The following GSG1L variants were observed in gnomAD, a reference collection of about 807,000 sequenced individuals.
GSG1L encodes germ cell-specific gene 1-like protein.
Under a neutral mutation model 42.1 loss-of-function variants are expected in GSG1L, and 24 were observed. That is an observed-to-expected ratio of 0.57 (90% confidence interval 0.41 to 0.80). GSG1L has a LOEUF of 0.80. GSG1L is among the 30% of genes least tolerant of loss of function. GSG1L has a pLI of 0.00. For synonymous variants in GSG1L, 215 were observed against 203.5 expected, an observed-to-expected ratio of 1.06 and a Z score of -0.48; for missense variants, 445 against 472.2, an observed-to-expected ratio of 0.94 and a Z score of 0.53.
chr16:28,031,936 C>T (rs1022715280), intron 1 of GSG1L, among the ~76,000 whole-genome samples: 3 of 152,146 alleles, frequency 2.0e-5, no homozygotes, highest in African/African-American at 7.2e-5. Flanking sequence ...AAAACACATG[C>T]CCTGGGGCTC....
chr16:27,878,560 T>A (rs2083915816), intron 3 of GSG1L, among the ~76,000 whole-genome samples: 1 of 152,092 alleles, frequency 6.6e-6, no homozygotes, highest in Non-Finnish European at 1.5e-5. Flanking sequence ...GTAAACCATA[T>A]CAAGCTGGGA....
At chr16:27,903,788 C>A (rs548924864) in intron 2 of GSG1L, among the ~76,000 whole-genome samples, 1 of 151,904 alleles carries the variant, frequency 6.6e-6, no homozygotes, top group East Asian at 1.9e-4. Flanking sequence ...CCCAGGAAGT[C>A]CCCCAGTCAA....
intron 1 of GSG1L, among the ~76,000 whole-genome samples, chr16:28,037,775 C>T (rs1050293220): frequency 1.3e-5 from 2 of 152,200 alleles, no homozygotes; most frequent in Admixed American, 1.3e-4. Context: ...TTGCTGGACT[C>T]ACCCATTAGA....
At chr16:27,949,414 C>T (rs1228959509) in intron 2 of GSG1L, among the ~76,000 whole-genome samples, 1 of 152,180 alleles carries the variant, frequency 6.6e-6, no homozygotes, top group East Asian at 1.9e-4. Flanking sequence ...GGGAAGGCAG[C>T]GTGAAATGAA....
chr16:27,799,762 C>A, intron 6 of GSG1L, among the ~76,000 whole-genome samples: 1 of 152,054 alleles, frequency 6.6e-6, no homozygotes. Flanking sequence ...AAGACATGAT[C>A]AAGTTTATGT....
chr16:27,907,549 C>T (rs1048534420), intron 2 of GSG1L, among the ~76,000 whole-genome samples: 1 of 152,252 alleles, frequency 6.6e-6, no homozygotes, highest in African/African-American at 2.4e-5. Flanking sequence ...TGCTCCTCAT[C>T]TGCCCTGTGC....
intron 3 of GSG1L, among the ~76,000 whole-genome samples, chr16:27,872,353 G>A (rs536718869): frequency 1.3e-5 from 2 of 152,290 alleles, no homozygotes; most frequent in South Asian, 4.1e-4. Context: ...AGACTACATG[G>A]ACCAGTCTAA....
At chr16:27,807,377 T>C (rs1482150673) in intron 6 of GSG1L, 110 bp downstream of exon 6, 16 of 801,542 alleles carry the variant, frequency 2.0e-5, no homozygotes, top group Non-Finnish European at 3.0e-5. Context: ...TGTGGGAGAA[T>C]GCAGGGTGCA....
chr16:28,057,087 G>C (rs1445234332), intron 1 of GSG1L, among the ~76,000 whole-genome samples: 1 of 152,196 alleles, frequency 6.6e-6, no homozygotes, highest in African/African-American at 2.4e-5. Context: ...TGTGGGGGCA[G>C]AGAGGAGTGG....
At chr16:27,844,042 G>T (rs1228236085) in intron 4 of GSG1L, among the ~76,000 whole-genome samples, 2 of 152,182 alleles carry the variant, frequency 1.3e-5, no homozygotes, top group East Asian at 1.9e-4. Context: ...CAGAGGAAGA[G>T]AACTCAGCCC....
chr16:27,929,066 T>C (rs2084628905), intron 2 of GSG1L, among the ~76,000 whole-genome samples: 1 of 152,224 alleles, frequency 6.6e-6, no homozygotes, highest in Non-Finnish European at 1.5e-5. Flanking sequence ...CTATTGCATC[T>C]GAATGTGCAA....
At position 28,063,290 on chromosome 16, in the gene GSG1L, G is replaced by C; in HGVS notation, c.135C>G (p.Gly45=). The C allele has an allele frequency of 4.4e-6, 6 of 1,375,576 alleles. No homozygotes were observed. Among genetic ancestry groups the C allele is most frequent in the Non-Finnish European group, 5.7e-6 (6 of 1,055,278 alleles). 85.2% of individuals were successfully genotyped at this position (1,375,576 alleles called of 1,614,324 possible). The change falls in exon 1 of 7, where the codon GGC becomes GGG. Residue 45 remains glycine (G), a synonymous_variant. Transcript: ENST00000447459. This position sits in a 1 kb window ranked among gnomAD's most constrained non-coding sequence, Gnocchi z 5.8. ...GTQRVPKPGC[G]QGGRANCPNS... ...TGGGGCAGTTGGCGCGCCCGCCCTG[G>C]CCGCAGCCCGGCTTGGGGACCCGCT...
chr16:28,034,937 T>C (rs1162921674), intron 1 of GSG1L, among the ~76,000 whole-genome samples: 2 of 152,336 alleles, frequency 1.3e-5, no homozygotes, highest in Non-Finnish European at 2.9e-5. Context: ...TGTCCATCTG[T>C]ACAATGGAGA....
chr16:27,921,823 C>A (rs1040270083), intron 2 of GSG1L, among the ~76,000 whole-genome samples: 1 of 152,162 alleles, frequency 6.6e-6, no homozygotes, highest in South Asian at 2.1e-4. Context: ...CTGCCTTGAT[C>A]GTACCTGTGA....
chr16:27,892,609 C>G (rs1442257588), intron 2 of GSG1L, among the ~76,000 whole-genome samples: 6 of 151,818 alleles, frequency 4.0e-5, no homozygotes, highest in Non-Finnish European at 7.4e-5. Context: ...ACTAAAAATA[C>G]AGAAACCCCG....
At chr16:27,893,754 T>C (rs11860269) in intron 2 of GSG1L, among the ~76,000 whole-genome samples, 1 of 151,760 alleles carries the variant, frequency 6.6e-6, no homozygotes, top group Non-Finnish European at 1.5e-5. Flanking sequence ...TAATTTTTTA[T>C]TTTCATTTTT....
chr16:27,880,110 C>T (rs1243544901), intron 3 of GSG1L, among the ~76,000 whole-genome samples: 1 of 152,192 alleles, frequency 6.6e-6, no homozygotes, highest in African/African-American at 2.4e-5. Context: ...CAGAAAGCAG[C>T]ACTTTCCCTC....
At chr16:27,829,084 C>T in intron 4 of GSG1L, 128 bp from the exon 5 acceptor site, 1 of 827,642 alleles carries the variant, frequency 1.2e-6, no homozygotes. Context: ...GCAGTTACTG[C>T]CACAGAGAAG....
chr16:27,818,088 G>A (rs1248659900), intron 5 of GSG1L, among the ~76,000 whole-genome samples: 3 of 152,210 alleles, frequency 2.0e-5, no homozygotes, highest in Non-Finnish European at 4.4e-5. Flanking sequence ...TGAGGCCAGC[G>A]CTGCTGGGTC....
Sources: allele counts gnomAD v4.1 joint callset (sites outside exome capture counted in the v4.1 genomes callset), GRCh38; gene constraint gnomAD v4.1.1; non-coding constraint Gnocchi (gnomAD v3.1); transcripts MANE v1.5; gene names NCBI Gene and HGNC (gene_info 2026-07-23, HGNC 2026-07-21).